CCDC178: variants seen among roughly 807,000 people sequenced by gnomAD.
The protein encoded by CCDC178 is coiled-coil domain containing 178.
A neutral mutation model predicts 117.4 loss-of-function variants in CCDC178; 126 were observed. The ratio of observed to expected loss-of-function variants is 1.07; its 90% confidence interval spans 0.93 to 1.24. The LOEUF (loss-of-function observed/expected upper bound fraction) is 1.24. Among genes scored for constraint, CCDC178 ranks in the 50% most tolerant of loss-of-function variants. The pLI is 0.00. For synonymous variants in CCDC178, 283 were observed against 313.4 expected (o/e 0.90, Z 1.02); for missense variants, 1,030 against 986.9 (o/e 1.04, Z -0.59).
At chr18:33,287,932 C>A (rs1482562102) in intron 12 of CCDC178, among the ~76,000 whole-genome samples, 1 of 152,108 alleles carries the variant, frequency 6.6e-6, no homozygotes, top group African/African-American at 2.4e-5. Flanking sequence ...AAATTTTATT[C>A]ATGCTGACAT....
intron 20 of CCDC178, among the ~76,000 whole-genome samples, chr18:33,123,717 G>A (rs1461991794): frequency 2.6e-5 from 4 of 152,006 alleles, no homozygotes; most frequent in African/African-American, 7.2e-5. Flanking sequence ...AGTTATAGTC[G>A]ATGTCAAATT....
At chr18:33,145,275 G>A (rs1334824501) in intron 20 of CCDC178, among the ~76,000 whole-genome samples, 1 of 151,950 alleles carries the variant, frequency 6.6e-6, no homozygotes. Context: ...TTTTCAAATT[G>A]GGGTTATTCA....
chr18:33,315,038 G>A (rs1472292023), intron 11 of CCDC178, among the ~76,000 whole-genome samples: 2 of 152,090 alleles, frequency 1.3e-5, no homozygotes, highest in Admixed American at 1.3e-4. Flanking sequence ...AGGAATAAAA[G>A]GCAATTAGGC....
chr18:33,121,274 G>A (rs896470293), intron 20 of CCDC178, among the ~76,000 whole-genome samples: 3 of 152,104 alleles, frequency 2.0e-5, no homozygotes, highest in Non-Finnish European at 2.9e-5. Flanking sequence ...GACAGATACA[G>A]ACATAGACAG....
intron 9 of CCDC178, among the ~76,000 whole-genome samples, chr18:33,344,852 CACAT>C (rs1419563215): frequency 0.018 from 1,898 of 104,278 alleles, 29 homozygotes; most frequent in African/African-American, 0.038. Context: ...CACACACACA[CACAT>C]ATATTTATAA....
At chr18:33,202,226 T>C (rs142915610) in intron 20 of CCDC178, among the ~76,000 whole-genome samples, 2,022 of 151,828 alleles carry the variant, frequency 0.013, 23 homozygotes, top group Non-Finnish European at 0.023. Context: ...ACCCCGTCTC[T>C]ACTAAAAATA....
intron 5 of CCDC178, among the ~76,000 whole-genome samples, chr18:33,382,372 G>A (rs930996160): frequency 5.9e-5 from 9 of 152,104 alleles, no homozygotes; most frequent in South Asian, 2.1e-4. Context: ...TAAAAAGTAC[G>A]CATCCAATTG....
intron 3 of CCDC178, among the ~76,000 whole-genome samples, chr18:33,408,503 T>G (rs564519437): frequency 6.6e-6 from 1 of 151,876 alleles, no homozygotes; most frequent in Non-Finnish European, 1.5e-5. Context: ...GAACTGTATA[T>G]GTATTACATT....
At chr18:33,431,706 A>G (rs755217646) in intron 2 of CCDC178, among the ~76,000 whole-genome samples, 1 of 152,168 alleles carries the variant, frequency 6.6e-6, no homozygotes, top group Non-Finnish European at 1.5e-5. Flanking sequence ...CTCCACCCCA[A>G]ATAGCACCAT....
At chr18:33,411,117 C>A (rs1041179695) in intron 3 of CCDC178, among the ~76,000 whole-genome samples, 2 of 152,144 alleles carry the variant, frequency 1.3e-5, no homozygotes, top group African/African-American at 4.8e-5. Flanking sequence ...CCGACTCATG[C>A]ACAAGTGAGC....
intron 2 of CCDC178, among the ~76,000 whole-genome samples, chr18:33,415,405 T>C (rs1001913595): frequency 6.6e-6 from 1 of 152,016 alleles, no homozygotes; most frequent in Non-Finnish European, 1.5e-5. Flanking sequence ...TTTGTAGGGA[T>C]GTGGATGAAG....
chr18:33,208,048 T>G (rs1195444097), intron 20 of CCDC178, among the ~76,000 whole-genome samples: 1 of 152,088 alleles, frequency 6.6e-6, no homozygotes, highest in African/African-American at 2.4e-5. Flanking sequence ...ATCTTCAAAT[T>G]AAAATGTTCA....
intron 2 of CCDC178, among the ~76,000 whole-genome samples, chr18:33,425,393 G>A (rs927503895): frequency 1.1e-4 from 17 of 152,152 alleles, no homozygotes; most frequent in African/African-American, 2.4e-5. Flanking sequence ...GAATTACAGG[G>A]ACTCACATGC....
At chr18:33,359,313 C>T (rs1235166311) in intron 6 of CCDC178, among the ~76,000 whole-genome samples, 2 of 151,542 alleles carry the variant, frequency 1.3e-5, no homozygotes, top group South Asian at 2.1e-4. Flanking sequence ...TATGAAGAAA[C>T]GTTTTAAGGT....
At chr18:32,958,289 C>T in intron 22 of CCDC178, 1 of 424,888 alleles carries the variant, frequency 2.4e-6, no homozygotes, top group Non-Finnish European at 4.4e-6. Flanking sequence ...AATGCTCTTG[C>T]AAGTTTTCAT....
intron 21 of CCDC178, among the ~76,000 whole-genome samples, chr18:33,035,085 C>T (rs897826749): frequency 6.6e-5 from 10 of 152,058 alleles, no homozygotes; most frequent in African/African-American, 2.4e-4. Context: ...AAGTAGAACT[C>T]TGTAGAGAGC....
At position 33,065,027 on chromosome 18, in the gene CCDC178, G is replaced by GAA. The variant is rs34459126; in HGVS notation, c.2388+27732_2388+27733dup. Among the ~76,000 whole-genome samples the GAA allele has an allele frequency of 1.2e-3, 152 of 125,230 alleles. 1 individual carries two copies. The highest frequency in any genetic ancestry group is 4.0e-3 in the African/African-American group (144 of 35,722). The allele number at this position is 125,230 out of a possible 152,430, so 82.2% of individuals were successfully genotyped here. A position where few individuals can be genotyped will look rare whatever the true frequency, so the allele number is the denominator to read the frequency against. On this transcript the variant is annotated intron_variant, in intron 21 of 22. Transcript: ENST00000383096. ...ATGTTCTCACTCATGTGTGGAATTG[G>GAA]AAAAAAAAAAAAAAAAGAGTTGACA...
At chr18:33,132,120 T>C (rs2058074203) in intron 20 of CCDC178, among the ~76,000 whole-genome samples, 1 of 151,746 alleles carries the variant, frequency 6.6e-6, no homozygotes, top group Non-Finnish European at 1.5e-5. Context: ...TGGTCTTTAA[T>C]GGCTTTATAA....
intron 10 of CCDC178, among the ~76,000 whole-genome samples, chr18:33,325,753 A>AT (rs1165143373): frequency 2.0e-5 from 3 of 151,982 alleles, no homozygotes; most frequent in Non-Finnish European, 4.4e-5. Flanking sequence ...GAGTATAATT[A>AT]TTTTTTCTAG....
Sources: allele counts gnomAD v4.1 joint callset (sites outside exome capture counted in the v4.1 genomes callset), GRCh38; gene constraint gnomAD v4.1.1; transcripts MANE v1.5; gene names NCBI Gene and HGNC (gene_info 2026-07-23, HGNC 2026-07-21).